PLCG2: variants seen among roughly 807,000 people sequenced by gnomAD.
PLCG2 encodes the protein phospholipase C gamma 2, also known as 1-phosphatidylinositol 4,5-bisphosphate phosphodiesterase gamma-2.
A neutral mutation model predicts 175.6 loss-of-function variants in PLCG2; 69 were observed. That is an observed-to-expected ratio of 0.39 (90% CI 0.32 to 0.48). The LOEUF (loss-of-function observed/expected upper bound fraction) is 0.48, where lower values mean the gene tolerates loss of function less well. PLCG2 is among the 20% of genes least tolerant of loss of function. PLCG2 has a pLI of 0.91. For missense variants in PLCG2, 1,798 were observed against 1,650.9 expected (o/e 1.09, Z -1.54); for synonymous variants, 827 against 624.0 (o/e 1.33, Z -4.85).
chr16:81,889,579 C>T (rs1908536074), intron 10 of PLCG2, among the ~76,000 whole-genome samples: 1 of 151,870 alleles, frequency 6.6e-6, no homozygotes, highest in Non-Finnish European at 1.5e-5. Flanking sequence ...GAATGGGAGA[C>T]TGGAGTTTTA....
chr16:81,934,958 G>C (rs1006640348), intron 26 of PLCG2, among the ~76,000 whole-genome samples: 6 of 151,958 alleles, frequency 3.9e-5, no homozygotes, highest in African/African-American at 1.5e-4. Flanking sequence ...ATCTCCTATC[G>C]GGTCCCTCCC....
At chr16:81,802,091 GTCTTTTTTTTTTTTTTTT>G (rs2143249861) in intron 2 of PLCG2, among the ~76,000 whole-genome samples, 1 of 53,534 alleles carries the variant, frequency 1.9e-5, no homozygotes, top group African/African-American at 6.0e-5. Context: ...GGTGAGTACA[GTCTTTTTTTTTTTTTTTT>G]TTTTTTTTTT....
chr16:81,866,377 G>A (rs1331031025), intron 5 of PLCG2, among the ~76,000 whole-genome samples: 15 of 125,340 alleles, frequency 1.2e-4, no homozygotes, highest in Non-Finnish European at 1.6e-4. Context: ...CTCCACTGGG[G>A]CACCAGCATG....
chr16:81,921,972 G>A (rs1910079518), intron 21 of PLCG2, among the ~76,000 whole-genome samples: 1 of 152,208 alleles, frequency 6.6e-6, no homozygotes, highest in Non-Finnish European at 1.5e-5. Context: ...AATGCATTAA[G>A]AGACCTTAGT....
chr16:81,793,774 G>A (rs761707093), intron 2 of PLCG2, among the ~76,000 whole-genome samples: 38 of 152,214 alleles, frequency 2.5e-4, no homozygotes, highest in Non-Finnish European at 4.7e-4. Context: ...CTTAATCCCC[G>A]CAGTGGTCCA....
At chr16:81,774,211 G>T (rs1297475286) in intron 2 of PLCG2, among the ~76,000 whole-genome samples, 2 of 143,350 alleles carry the variant, frequency 1.4e-5, no homozygotes, top group African/African-American at 2.6e-5. Flanking sequence ...AAAGCCAGGC[G>T]TGGTGATGCA....
chr16:81,877,225 C>A (rs186574115), intron 7 of PLCG2, among the ~76,000 whole-genome samples: 1 of 152,306 alleles, frequency 6.6e-6, no homozygotes, highest in Admixed American at 6.5e-5. Flanking sequence ...GAGGCCAAGG[C>A]GGGCGGATCG....
chr16:81,845,755 G>A (rs746394152), intron 2 of PLCG2, among the ~76,000 whole-genome samples: 12 of 152,252 alleles, frequency 7.9e-5, no homozygotes, highest in Admixed American at 6.5e-5. Flanking sequence ...CCTGCCTGAT[G>A]TAAGATCAAG....
intron 30 of PLCG2, among the ~76,000 whole-genome samples, chr16:81,945,598 C>T (rs1911118645): frequency 6.6e-6 from 1 of 152,214 alleles, no homozygotes; most frequent in Admixed American, 6.5e-5. Context: ...GATTCGGCTC[C>T]AACTTGCCCC....
intron 2 of PLCG2, among the ~76,000 whole-genome samples, chr16:81,827,771 A>G (rs1905102106): frequency 6.6e-6 from 1 of 152,074 alleles, no homozygotes; most frequent in South Asian, 2.1e-4. Context: ...GTAGGTTGTT[A>G]CTGTGAAATC....
intron 30 of PLCG2, among the ~76,000 whole-genome samples, chr16:81,943,150 C>T (rs1402484815): frequency 6.6e-6 from 1 of 152,088 alleles, no homozygotes; most frequent in Non-Finnish European, 1.5e-5. Context: ...ACAGTCATTC[C>T]AGTTCATTCT....
intron 2 of PLCG2, among the ~76,000 whole-genome samples, chr16:81,801,922 C>A (rs1411481108): frequency 6.6e-6 from 1 of 151,792 alleles, no homozygotes; most frequent in Non-Finnish European, 1.5e-5. Context: ...CACAAGTGAT[C>A]CACCCACCTC....
At chr16:81,851,839 G>A (rs1359970531) in intron 2 of PLCG2, among the ~76,000 whole-genome samples, 2 of 152,208 alleles carry the variant, frequency 1.3e-5, no homozygotes, top group Admixed American at 1.3e-4. Context: ...TTTGCCCACT[G>A]AGCTGTTTCT....
chr16:81,744,466 CA>C (rs1186824851), intron 1 of PLCG2, among the ~76,000 whole-genome samples: 4 of 152,122 alleles, frequency 2.6e-5, no homozygotes, highest in Admixed American at 2.0e-4. Context: ...CCCAGTCCCC[CA>C]ACTTCCCTTT....
At chr16:81,927,048 T>C (rs181346398) in intron 22 of PLCG2, 34 bp from the exon 23 acceptor site, 1 of 1,422,672 alleles carries the variant, frequency 7.0e-7, no homozygotes, top group African/African-American at 1.4e-5. Flanking sequence ...TGCCACCTGG[T>C]GACAGCGCCC....
upstream of PLCG2, among the ~76,000 whole-genome samples, chr16:81,779,075 C>T (rs2143140549): frequency 6.6e-6 from 1 of 152,340 alleles, no homozygotes; most frequent in East Asian, 1.9e-4. Flanking sequence ...AGGTAGCCTC[C>T]CCTCGGGTTG....
intron 2 of PLCG2, among the ~76,000 whole-genome samples, chr16:81,845,403 C>T (rs542788295): frequency 1.3e-5 from 2 of 152,284 alleles, no homozygotes; most frequent in East Asian, 3.9e-4. Flanking sequence ...ATTTAATCCC[C>T]ACAAGAGCAC....
chr16:81,920,045 C>T (rs966925178), intron 20 of PLCG2, among the ~76,000 whole-genome samples: 1 of 152,094 alleles, frequency 6.6e-6, no homozygotes, highest in Non-Finnish European at 1.5e-5. Context: ...GAGAGGATAG[C>T]ATGCGCAAAG....
At chr16:81,854,820 A>G (rs1211776566) in intron 3 of PLCG2, among the ~76,000 whole-genome samples, 1 of 152,106 alleles carries the variant, frequency 6.6e-6, no homozygotes, top group African/African-American at 2.4e-5. Flanking sequence ...TGCCTATTTC[A>G]TGGGGGTATT....
Sources: allele counts gnomAD v4.1 joint callset (sites outside exome capture counted in the v4.1 genomes callset), GRCh38; gene constraint gnomAD v4.1.1; transcripts MANE v1.5; gene names NCBI Gene and HGNC (gene_info 2026-07-23, HGNC 2026-07-21).